The following SLC25A21 variants were observed in gnomAD, a reference collection of about 807,000 sequenced individuals.
SLC25A21 encodes the protein solute carrier family 25 member 21.
SLC25A21 carries 47 observed loss-of-function variants against 43.8 expected under a neutral mutation model. The observed-to-expected ratio is 1.07, with a 90% CI of 0.85 to 1.37. The LOEUF is 1.37. Among genes scored for constraint, SLC25A21 ranks in the 40% most tolerant of loss-of-function variants. The pLI is 0.00. For missense variants in SLC25A21, 352 were observed against 350.2 expected, an observed-to-expected ratio of 1.00 and a Z score of -0.04; for synonymous variants, 131 against 121.3, an observed-to-expected ratio of 1.08 and a Z score of -0.52.
At chr14:36,746,988 A>T (rs1000486522) in intron 3 of SLC25A21, among the ~76,000 whole-genome samples, 1 of 152,162 alleles carries the variant, frequency 6.6e-6, no homozygotes, top group African/African-American at 2.4e-5. Flanking sequence ...ATAACATTAT[A>T]TTAAATGCAT....
intron 1 of SLC25A21, among the ~76,000 whole-genome samples, chr14:36,969,799 T>A (rs1566780269): frequency 6.6e-6 from 1 of 151,932 alleles, no homozygotes; most frequent in Non-Finnish European, 1.5e-5. Context: ...GCCAGACACT[T>A]ACTTTTATAC....
chr14:36,936,424 A>G (rs941994588), intron 1 of SLC25A21, among the ~76,000 whole-genome samples: 2 of 152,082 alleles, frequency 1.3e-5, no homozygotes, highest in African/African-American at 4.8e-5. Context: ...CAAGAGAGAT[A>G]GATAAGCTCC....
chr14:37,164,601 G>A (rs7143753), intron 1 of SLC25A21, among the ~76,000 whole-genome samples: 16,877 of 151,972 alleles, frequency 0.11, 2,288 homozygotes, highest in African/African-American at 0.32. Flanking sequence ...CTTTTATTAC[G>A]TAGTTCAAAT....
chr14:37,147,839 C>CTTT (rs1566913739), intron 1 of SLC25A21, among the ~76,000 whole-genome samples: 1 of 42,578 alleles, frequency 2.3e-5, no homozygotes, highest in Non-Finnish European at 5.4e-5. Context: ...TCTTTTTTTT[C>CTTT]TTTTCTTTTT....
At chr14:37,018,497 T>C (rs1210090861) in intron 1 of SLC25A21, among the ~76,000 whole-genome samples, 5 of 151,998 alleles carry the variant, frequency 3.3e-5, no homozygotes, top group Non-Finnish European at 7.4e-5. Context: ...ATAAAGCTAG[T>C]GTTGGGGAAA....
Position 37,071,788 on chromosome 14 carries a change from C to G in SLC25A21, c.70+100493G>C, listed in dbSNP as rs1223146707. 2.0e-5 allele frequency among the ~76,000 whole-genome samples: 3 copies of G among 152,170 alleles called. No individual in the cohort carries two copies. In the East Asian group the frequency reaches 5.8e-4, roughly 29 times the overall value. On this transcript the variant is annotated intron_variant, in intron 1 of 9. Coordinates refer to ENST00000331299, the MANE Select transcript of SLC25A21 (RefSeq NM_030631.4). ...TTGTCAAATCTAAGATGCAGTCATT[C>G]CTCAAATGCATCATCATTTGCATGT...
intron 2 of SLC25A21, among the ~76,000 whole-genome samples, chr14:36,842,823 G>A (rs750199856): frequency 6.6e-6 from 1 of 152,156 alleles, no homozygotes; most frequent in Non-Finnish European, 1.5e-5. Flanking sequence ...TCAGACTGGG[G>A]AGGCAGGAGG....
chr14:36,734,287 A>G (rs970130016), intron 4 of SLC25A21, among the ~76,000 whole-genome samples: 1 of 152,164 alleles, frequency 6.6e-6, no homozygotes, highest in Non-Finnish European at 1.5e-5. Flanking sequence ...TAATTTCCCC[A>G]TTAGAATGGA....
At position 37,172,273 on chromosome 14, in the gene SLC25A21, G is replaced by A. The variant is rs1463396639; in HGVS notation, c.70+8C>T. On this transcript the variant is annotated splice_region_variant and intron_variant, in intron 1 of 9. Coordinates refer to ENST00000331299, the MANE Select transcript of SLC25A21 (RefSeq NM_030631.4). ...AGCCTCCGGCGGGGCAGGGCGGGCT[G>A]TCCTTACCTGCAGAACCACCGGCCA... 3 of 1,590,202 alleles carry A rather than the reference G, an allele frequency of 1.9e-6. No individual in the cohort carries two copies. The highest frequency in any genetic ancestry group is 2.6e-6 in the Non-Finnish European group (3 of 1,168,588).
chr14:36,684,650 G>C (rs1353331857), intron 8 of SLC25A21, 94 bp downstream of exon 8: 9 of 1,170,734 alleles, frequency 7.7e-6, no homozygotes, highest in Middle Eastern at 5.0e-4. Flanking sequence ...CCACTTAGGA[G>C]GGCTTACTGG....
intron 4 of SLC25A21, among the ~76,000 whole-genome samples, chr14:36,730,161 T>C (rs1215540961): frequency 6.6e-6 from 1 of 152,260 alleles, no homozygotes; most frequent in Non-Finnish European, 1.5e-5. Flanking sequence ...AGAAAGCTGC[T>C]AATTCCTTCC....
chr14:37,120,399 T>C (rs1272422953), intron 1 of SLC25A21, among the ~76,000 whole-genome samples: 2 of 152,198 alleles, frequency 1.3e-5, no homozygotes, highest in East Asian at 3.8e-4. Context: ...AAAGTAAATA[T>C]GACATGTTTT....
intron 6 of SLC25A21, among the ~76,000 whole-genome samples, chr14:36,722,535 TG>T (rs940901247): frequency 1.1e-4 from 17 of 152,124 alleles, no homozygotes; most frequent in Admixed American, 4.6e-4. Context: ...TGTCGGGGCA[TG>T]GGGTTCATAG....
At chr14:36,731,186 G>C (rs1884811375) in intron 4 of SLC25A21, among the ~76,000 whole-genome samples, 1 of 152,166 alleles carries the variant, frequency 6.6e-6, no homozygotes, top group African/African-American at 2.4e-5. Flanking sequence ...TGTTAGCCAG[G>C]ATGGTCTCGA....
At chr14:36,681,836 T>A (rs551409123) in intron 9 of SLC25A21, among the ~76,000 whole-genome samples, 102 of 152,218 alleles carry the variant, frequency 6.7e-4, no homozygotes, top group Non-Finnish European at 1.1e-3. Context: ...AGATACTCTA[T>A]TAGTCCCTCT....
At chr14:36,794,868 C>T (rs962671224) in intron 3 of SLC25A21, among the ~76,000 whole-genome samples, 2 of 144,866 alleles carry the variant, frequency 1.4e-5, no homozygotes, top group Non-Finnish European at 1.5e-5. Flanking sequence ...GAAATTGATT[C>T]GAAAGTAAAA....
intron 1 of SLC25A21, among the ~76,000 whole-genome samples, chr14:36,903,193 A>T (rs545703053): frequency 2.0e-5 from 3 of 152,106 alleles, no homozygotes; most frequent in Non-Finnish European, 4.4e-5. Context: ...TTATGTGAAC[A>T]TTTCTGCTTA....
At chr14:36,983,384 T>C (rs1037373651) in intron 1 of SLC25A21, among the ~76,000 whole-genome samples, 2 of 152,190 alleles carry the variant, frequency 1.3e-5, no homozygotes, top group Admixed American at 1.3e-4. Flanking sequence ...CAGACATTAG[T>C]GTAGGTGCTA....
At chr14:36,857,090 A>G (rs1205423388) in intron 2 of SLC25A21, among the ~76,000 whole-genome samples, 1 of 152,188 alleles carries the variant, frequency 6.6e-6, no homozygotes, top group Non-Finnish European at 1.5e-5. Context: ...CAAATGGAAT[A>G]AAGTCCTGTT....
Sources: gnomAD v4.1 joint callset for allele counts (sites outside exome capture counted in the v4.1 genomes callset) on GRCh38, gnomAD v4.1.1 for gene constraint, MANE v1.5 for transcripts, NCBI Gene and HGNC (gene_info 2026-07-23, HGNC 2026-07-21) for gene names.